The following CHN1 variants were observed in gnomAD, a reference collection of about 807,000 sequenced individuals.
CHN1 encodes chimerin 1, also known as N-chimaerin.
Under a neutral mutation model 59.5 loss-of-function variants are expected in CHN1, and 37 were observed. That is an observed-to-expected ratio of 0.62 (90% CI 0.48 to 0.82). The LOEUF (loss-of-function observed/expected upper bound fraction) is 0.82, where lower values mean the gene tolerates loss of function less well. CHN1 is among the 40% of genes least tolerant of loss of function. The pLI is 0.00. For synonymous variants in CHN1, 206 were observed against 200.4 expected (o/e 1.03, Z -0.24); for missense variants, 469 against 571.0 (o/e 0.82, Z 1.82).
intron 6 of CHN1, among the ~76,000 whole-genome samples, chr2:174,855,043 A>G (rs1315171546): frequency 2.0e-5 from 3 of 152,210 alleles, no homozygotes; most frequent in Non-Finnish European, 4.4e-5. Context: ...AATTCACACT[A>G]AAGTACAAAT....
At chr2:174,843,248 T>C (rs1308139424) in intron 7 of CHN1, among the ~76,000 whole-genome samples, 2 of 152,224 alleles carry the variant, frequency 1.3e-5, no homozygotes, top group Non-Finnish European at 2.9e-5. Flanking sequence ...TATTTATTTA[T>C]TTATTTTTGA....
At chr2:174,862,723 A>C (rs192400587) in intron 6 of CHN1, among the ~76,000 whole-genome samples, 32 of 152,320 alleles carry the variant, frequency 2.1e-4, no homozygotes, top group African/African-American at 6.5e-4. Flanking sequence ...AGCTTACATT[A>C]AATTTAGAGT....
chr2:174,922,731 A>G (rs1209054488), intron 3 of CHN1, among the ~76,000 whole-genome samples: 16 of 152,204 alleles, frequency 1.1e-4, no homozygotes, highest in Admixed American at 1.0e-3. Context: ...CATAAAAAAA[A>G]AGAAATATTT....
At position 174,997,754 on chromosome 2, in the gene CHN1, G is replaced by A. The variant is rs140046346; in HGVS notation, c.19+7140C>T. ...TTCTATATAAAAGATACAAAAGGCC[G>A]GGTGTGGTGGCTCACGTCTGTAATC... On this transcript the variant is annotated intron_variant, in intron 1 of 12. Coordinates refer to ENST00000409900, the MANE Select transcript of CHN1 (RefSeq NM_001822.7). Among the ~76,000 whole-genome samples, 575 of 152,184 alleles carry A rather than the reference G, an allele frequency of 3.8e-3. 4 individuals are homozygous for A. The highest frequency in any genetic ancestry group is 0.013 in the African/African-American group (548 of 41,512).
At chr2:174,924,941 T>G (rs1001469400) in intron 3 of CHN1, among the ~76,000 whole-genome samples, 8 of 152,362 alleles carry the variant, frequency 5.3e-5, no homozygotes, top group Admixed American at 2.0e-4. Context: ...TTGAATTACA[T>G]GCTTTGCTTT....
chr2:174,989,930 A>G (rs1424504746), intron 1 of CHN1, among the ~76,000 whole-genome samples: 1 of 152,226 alleles, frequency 6.6e-6, no homozygotes, highest in Non-Finnish European at 1.5e-5. Flanking sequence ...TGGTACAAAC[A>G]GATAAGACCT....
intron 1 of CHN1, among the ~76,000 whole-genome samples, chr2:174,999,739 G>C (rs978096852): frequency 2.4e-4 from 37 of 152,260 alleles, no homozygotes; most frequent in African/African-American, 8.7e-4. Context: ...CAGATACATA[G>C]TATATCTCTG....
rs765652152 is a variant in CHN1, at chr2:174,801,800, G to A, written c.1115C>T (p.Pro372Leu). The change falls in exon 12 of 13, where the codon CCG (proline) becomes CTG (leucine). Residue 372 changes from proline to leucine, a missense_variant. Around this residue, in one of 5 missense-constraint regions of CHN1, gnomAD observed 225 missense variants for 289.9 expected, o/e 0.78. Transcript: ENST00000409900. Reference protein sequence around the residue: ...KFIESAKIMDPDEQLETLHEA... With the variant: ...KFIESAKIMDLDEQLETLHEA... ...ATGAAGGGTTTCCAATTGCTCATCC[G>A]GATCCATAATTTCTAAAATAGCAAG... is the stretch of plus-strand genomic sequence containing the variant. The A allele has an allele frequency of 2.7e-5, 43 of 1,611,994 alleles. No individual in the cohort carries two copies. The highest frequency in any genetic ancestry group is 1.2e-4 in the South Asian group (11 of 91,036).
intron 1 of CHN1, among the ~76,000 whole-genome samples, chr2:174,968,674 T>C (rs1690664888): frequency 6.6e-6 from 1 of 152,242 alleles, no homozygotes; most frequent in Admixed American, 6.5e-5. Flanking sequence ...TTGCTGACAC[T>C]TGCATGCAAC....
chr2:174,890,006 G>A (rs1368099446), intron 5 of CHN1, among the ~76,000 whole-genome samples: 1 of 151,934 alleles, frequency 6.6e-6, no homozygotes, highest in African/African-American at 2.4e-5. Flanking sequence ...AGCAACCAGA[G>A]AAGAGAGACA....
intron 3 of CHN1, among the ~76,000 whole-genome samples, chr2:174,937,120 T>A (rs975547175): frequency 1.3e-5 from 2 of 152,226 alleles, no homozygotes; most frequent in African/African-American, 4.8e-5. Context: ...ACTAATAGTT[T>A]ATGATTGTTT....
At chr2:174,842,288 G>T (rs1194144666) in intron 7 of CHN1, among the ~76,000 whole-genome samples, 1 of 152,018 alleles carries the variant, frequency 6.6e-6, no homozygotes, top group Non-Finnish European at 1.5e-5. Flanking sequence ...AGAGGTGATA[G>T]ACACTGTTTC....
At chr2:174,841,440 T>TGTTTACAGGGACTTTAAA (rs1383345177) in intron 7 of CHN1, among the ~76,000 whole-genome samples, 2 of 152,184 alleles carry the variant, frequency 1.3e-5, no homozygotes, top group Non-Finnish European at 2.9e-5. Flanking sequence ...AGAAATACAA[T>TGTTTACAGGGACTTTAAA]GTTTACAGGG....
At chr2:174,989,419 G>A (rs1431658161) in intron 1 of CHN1, among the ~76,000 whole-genome samples, 2 of 151,650 alleles carry the variant, frequency 1.3e-5, no homozygotes, top group African/African-American at 4.8e-5. Flanking sequence ...TTTAAAAACT[G>A]TGCCTTGCCA....
At chr2:174,877,547 T>C (rs1358398616) in intron 6 of CHN1, among the ~76,000 whole-genome samples, 1 of 152,202 alleles carries the variant, frequency 6.6e-6, no homozygotes, top group African/African-American at 2.4e-5. Context: ...GGAGTTATGC[T>C]TCTGACCAAT....
chr2:174,835,080 TATC>T lies in CHN1; in HGVS notation c.628-10565_628-10563del, dbSNP rs201617281. Among the ~76,000 whole-genome samples the T allele has an allele frequency of 7.8e-3, 1,187 of 152,272 alleles. 13 individuals carry two copies. Among genetic ancestry groups the T allele is most frequent in the African/African-American group, 0.027 (1,114 of 41,552 alleles). ...CAATAAACCCACCATAAGTTGAAAA[TATC>T]ATAAGTTGAGAGTGGGGTTTCTACT... is the stretch of plus-strand genomic sequence containing the variant. On this transcript the variant is annotated intron_variant, in intron 7 of 12. Transcript: ENST00000409900.
At chr2:174,990,220 G>C (rs1030771599) in intron 1 of CHN1, among the ~76,000 whole-genome samples, 1 of 149,482 alleles carries the variant, frequency 6.7e-6, no homozygotes. Context: ...CGGGGTGTGT[G>C]TGTGTGGTGT....
intron 7 of CHN1, among the ~76,000 whole-genome samples, chr2:174,842,856 C>CTGTT (rs1407933641): frequency 2.6e-5 from 4 of 152,196 alleles, no homozygotes; most frequent in Admixed American, 2.0e-4. Flanking sequence ...TCAGGATTCA[C>CTGTT]TGTTTGCCTG....
chr2:175,004,964 C>A lies in CHN1; in HGVS notation c.-52G>T. The stretch of plus-strand genomic sequence containing the variant: ...AGTCCAGGCGCTCCTCCCAGGCGGG[C>A]TAGGGATCACCTCATCAGCCCGCCG... On this transcript the variant is annotated 5_prime_UTR_variant, in exon 1 of 13. Coordinates refer to ENST00000409900, the MANE Select transcript of CHN1 (RefSeq NM_001822.7). 2 of 1,516,486 alleles carry A rather than the reference C, an allele frequency of 1.3e-6. No individual in the cohort carries two copies. The highest frequency in any genetic ancestry group is 1.4e-5 in the African/African-American group (1 of 70,376). 93.9% of individuals were successfully genotyped at this position (1,516,486 alleles called of 1,614,324 possible).
Sources: gnomAD v4.1 joint callset for allele counts (sites outside exome capture counted in the v4.1 genomes callset) on GRCh38, gnomAD v4.1.1 for gene constraint, gnomAD v4.1.1 regional missense constraint, MANE v1.5 for transcripts, NCBI Gene and HGNC (gene_info 2026-07-23, HGNC 2026-07-21) for gene names.